CCDC40: variants seen among roughly 807,000 people sequenced by gnomAD.
CCDC40 encodes coiled-coil domain-containing protein 40.
In CCDC40, 104 loss-of-function variants were observed where a neutral mutation model predicts 124.5. The ratio of observed to expected loss-of-function variants is 0.84; its 90% CI spans 0.71 to 0.98. The LOEUF (loss-of-function observed/expected upper bound fraction) is 0.98. CCDC40 is among the 50% of genes least tolerant of loss of function. CCDC40 has a pLI of 0.00. For synonymous variants in CCDC40, 580 were observed against 602.9 expected (o/e 0.96, Z 0.56); for missense variants, 1,463 against 1,503.9 (o/e 0.97, Z 0.45).
chr17:80,050,040 AC>A (rs1322803516), intron 6 of CCDC40, 23 bp from the exon 7 acceptor site: 2 of 1,613,296 alleles, frequency 1.2e-6, no homozygotes, highest in Admixed American at 1.7e-5. Flanking sequence ...CGTCCTGGTG[AC>A]CCTGTTTCTC....
At chr17:80,070,157 C>T (rs915675287) in intron 10 of CCDC40, among the ~76,000 whole-genome samples, 2 of 152,240 alleles carry the variant, frequency 1.3e-5, no homozygotes, top group East Asian at 3.8e-4. Context: ...GGCATTGCCA[C>T]AGTGTCCCCA....
At chr17:80,038,886 G>T (rs1246379875) in intron 2 of CCDC40, among the ~76,000 whole-genome samples, 1 of 152,138 alleles carries the variant, frequency 6.6e-6, no homozygotes, top group Non-Finnish European at 1.5e-5. Flanking sequence ...ACTTGGTCAA[G>T]TATATTGTAT....
intron 3 of CCDC40, among the ~76,000 whole-genome samples, chr17:80,045,475 G>A (rs1003710438): frequency 6.6e-5 from 10 of 152,020 alleles, no homozygotes; most frequent in African/African-American, 1.7e-4. Flanking sequence ...AGGCCGAGGC[G>A]GGTGGATCAC....
At chr17:80,075,213 C>T (rs955525239) in intron 10 of CCDC40, among the ~76,000 whole-genome samples, 1 of 151,782 alleles carries the variant, frequency 6.6e-6, no homozygotes, top group African/African-American at 2.4e-5. Flanking sequence ...GCATGAGCCA[C>T]CTCAGCCTCC....
chr17:80,085,096 A>G, intron 13 of CCDC40, 108 bp downstream of exon 13: 2 of 1,392,128 alleles, frequency 1.4e-6, no homozygotes, highest in Non-Finnish European at 2.0e-6. Flanking sequence ...GAAGGCACAG[A>G]ACTGCCTCTT....
rs968348053 is a variant in CCDC40 at position 80,087,076 on chromosome 17, G to T, written c.2450-531G>T. The T allele has an allele frequency of 4.8e-6, 1 of 208,786 alleles. No homozygotes were observed. Among genetic ancestry groups the T allele is most frequent in the African/African-American group, 2.3e-5 (1 of 44,010 alleles). The allele number at this position is 208,786 out of a possible 1,614,324, so 12.9% of individuals were successfully genotyped here. A position where few individuals can be genotyped will look rare whatever the true frequency, so the allele number is the denominator to read the frequency against. ...AGGGCACACCATGGGGACAGCAGGA[G>T]GAGCTGGAGAAGCCCTGTGAGGAGT... On this transcript the variant is annotated intron_variant, in intron 14 of 19. Transcript: ENST00000397545. The surrounding 1 kb of genome is among the most constrained non-coding windows in gnomAD (Gnocchi z 4.5).
chr17:80,051,818 G>A (rs1598491023), intron 7 of CCDC40, among the ~76,000 whole-genome samples: 1 of 152,350 alleles, frequency 6.6e-6, no homozygotes. Flanking sequence ...CACACCTGCA[G>A]TGAGGCTGGA....
At chr17:80,097,549 G>A (rs533244752) in intron 19 of CCDC40, 146 bp downstream of exon 19, 13 of 724,702 alleles carry the variant, frequency 1.8e-5, no homozygotes, top group South Asian at 9.1e-5. Flanking sequence ...TAGCACCACC[G>A]GCTGCTCACA....
chr17:80,082,024 T>A lies in CCDC40; in HGVS notation c.1955T>A (p.Leu652His). ...AAGACCACCAAATACTTCAACCAGCTCATCCTGAGGCTGCAGAAGGAGAAG... is the reference window on the plus strand; with the variant it reads ...AAGACCACCAAATACTTCAACCAGCACATCCTGAGGCTGCAGAAGGAGAAG... ...SNKTTKYFNQLILRLQKEKTN... is the reference protein window; with the variant it reads ...SNKTTKYFNQHILRLQKEKTN... Residue 652 changes from leucine (L) to histidine (H), a missense_variant, in exon 12 of 20, where the codon CTC becomes CAC. Leu to His is a moderately conservative substitution (Grantham distance 99). Transcript: ENST00000397545. 1.2e-6 allele frequency: 2 copies of A among 1,613,200 alleles called. No individual in the cohort carries two copies. Among genetic ancestry groups the A allele is most frequent in the Non-Finnish European group, 1.7e-6 (2 of 1,179,874 alleles).
At chr17:80,090,798 C>T (rs1165403920) in intron 17 of CCDC40, 2 of 1,253,418 alleles carry the variant, frequency 1.6e-6, no homozygotes, top group African/African-American at 3.0e-5. Context: ...ATAAATGGGC[C>T]TCACTTTCAC....
At chr17:80,084,377 G>T (rs12451320) in intron 12 of CCDC40, among the ~76,000 whole-genome samples, 32,623 of 152,100 alleles carry the variant, frequency 0.21, 4,242 homozygotes, top group Middle Eastern at 0.32. Context: ...ACTATCATGA[G>T]AACAGCATGG....
At chr17:80,097,515 C>T (rs781527852) in intron 19 of CCDC40, 112 bp downstream of exon 19, 2 of 1,138,586 alleles carry the variant, frequency 1.8e-6, no homozygotes, top group African/African-American at 1.5e-5. Flanking sequence ...CAGGTCACGG[C>T]CTCTCCTGAT....
intron 10 of CCDC40, among the ~76,000 whole-genome samples, chr17:80,065,879 G>A (rs1193207014): frequency 6.6e-6 from 1 of 152,246 alleles, no homozygotes; most frequent in African/African-American, 2.4e-5. Context: ...GCAGGGTAAA[G>A]AGAAAGCTAT....
At chr17:80,053,942 G>A (rs78319503) in intron 7 of CCDC40, among the ~76,000 whole-genome samples, 4 of 152,312 alleles carry the variant, frequency 2.6e-5, no homozygotes, top group East Asian at 1.9e-4. Context: ...GGAAGTCCAC[G>A]CATGAAGACT....
At chr17:80,098,378 G>A (rs1266600230) in intron 19 of CCDC40, among the ~76,000 whole-genome samples, 1 of 152,278 alleles carries the variant, frequency 6.6e-6, no homozygotes, top group African/African-American at 2.4e-5. Flanking sequence ...GCTCCCGCGC[G>A]CTCTAAGATT....
Position 80,048,813 on chromosome 17 carries a change from T to C in CCDC40, c.855+52T>C, listed in dbSNP as rs757294769. On this transcript the variant is annotated intron_variant, in intron 5 of 19. Transcript: ENST00000397545. ...TTTGCCTACATGGATGGCGAATGAC[T>C]CAGGCCCCTTTCTCTGCCTGCACTG... 1.2e-5 allele frequency: 18 copies of C among 1,495,106 alleles called. No individual in the cohort carries two copies. In the South Asian group the frequency reaches 2.2e-4, roughly 18 times the overall value. The allele number at this position is 1,495,106 out of a possible 1,614,324, so 92.6% of individuals were successfully genotyped here. A position where few individuals can be genotyped will look rare whatever the true frequency, so the allele number is the denominator to read the frequency against.
intron 3 of CCDC40, among the ~76,000 whole-genome samples, chr17:80,046,101 CTGTT>C (rs930881448): frequency 2.0e-5 from 3 of 152,200 alleles, no homozygotes; most frequent in Admixed American, 1.3e-4. Context: ...GAACCTCTCT[CTGTT>C]TGTTATTTAG....
chr17:80,062,247 T>C (rs9904924), intron 9 of CCDC40, among the ~76,000 whole-genome samples: 11,789 of 152,190 alleles, frequency 0.077, 1,478 homozygotes, highest in African/African-American at 0.26. Context: ...CAGAATACAC[T>C]ACACCAAAAA....
chr17:80,037,975 T>C, intron 1 of CCDC40, 148 bp from the exon 2 acceptor site: 1 of 656,456 alleles, frequency 1.5e-6, no homozygotes, highest in Non-Finnish European at 2.9e-6. Context: ...CTATGGTTCC[T>C]GACAAACAGG....
Sources: gnomAD v4.1 joint callset for allele counts (sites outside exome capture counted in the v4.1 genomes callset) on GRCh38, gnomAD v4.1.1 for gene constraint, Gnocchi (gnomAD v3.1) non-coding constraint, MANE v1.5 for transcripts, NCBI Gene and HGNC (gene_info 2026-07-23, HGNC 2026-07-21) for gene names.